RTL4: variants seen among roughly 807,000 people sequenced by gnomAD.
RTL4 encodes retrotransposon Gag like 4, also known as retrotransposon Gag-like protein 4.
RTL4 carries 4 observed loss-of-function variants against 5.3 expected under a neutral mutation model. The ratio of observed to expected loss-of-function variants is 0.75; its 90% CI spans 0.37 to 1.72. The LOEUF is 1.72. Among genes scored for constraint, RTL4 ranks in the 40% most tolerant of loss-of-function variants. RTL4 has a pLI of 0.04. For synonymous variants in RTL4, 98 were observed against 87.3 expected (o/e 1.12, Z -0.68); for missense variants, 260 against 227.1 (o/e 1.14, Z -0.93).
chrX:112,242,428 A>T, the RTL4 span, among the ~76,000 whole-genome samples: 1 of 111,024 alleles, frequency 9.0e-6, no homozygotes, highest in Admixed American at 9.6e-5. Context: ...TGTACTTTGG[A>T]TTCCTAGGTA....
the RTL4 span, among the ~76,000 whole-genome samples, chrX:112,114,613 C>G: frequency 9.0e-6 from 1 of 111,386 alleles, no homozygotes; most frequent in African/African-American, 3.3e-5. Context: ...ATTCCCCTCC[C>G]CCTACAGCTT....
chrX:112,205,216 A>G, the RTL4 span, among the ~76,000 whole-genome samples: 42 of 111,301 alleles, frequency 3.8e-4, no homozygotes, highest in South Asian at 5.4e-3. Flanking sequence ...GATAGATGTA[A>G]AAACCCCAAA....
At chrX:112,125,045 T>C in the RTL4 span, among the ~76,000 whole-genome samples, 3 of 107,642 alleles carry the variant, frequency 2.8e-5, no homozygotes, top group Non-Finnish European at 5.8e-5. Context: ...GGACTACAGG[T>C]GCATGCCACC....
At chrX:112,301,782 A>G in the RTL4 span, among the ~76,000 whole-genome samples, 4 of 108,778 alleles carry the variant, frequency 3.7e-5, no homozygotes, top group Non-Finnish European at 7.6e-5. Context: ...GGGCAACATA[A>G]TGAGCCCTGT....
chrX:112,093,445 A>G, the RTL4 span, among the ~76,000 whole-genome samples: 1 of 111,394 alleles, frequency 9.0e-6, no homozygotes, highest in African/African-American at 3.3e-5. Flanking sequence ...TGACCAGCCA[A>G]CATTCATTGT....
At chrX:112,245,470 C>G in the RTL4 span, among the ~76,000 whole-genome samples, 1 of 111,744 alleles carries the variant, frequency 8.9e-6, no homozygotes, top group African/African-American at 3.3e-5. Flanking sequence ...GATACCCTTT[C>G]TTCCATTTGA....
At chrX:112,204,514 T>C in the RTL4 span, among the ~76,000 whole-genome samples, 6,305 of 111,834 alleles carry the variant, frequency 0.056, 466 homozygotes, top group African/African-American at 0.19. Flanking sequence ...TGGTCATTTC[T>C]AACAACATAG....
chrX:112,085,420 A>G, the RTL4 span, among the ~76,000 whole-genome samples: 1 of 112,521 alleles, frequency 8.9e-6, no homozygotes, highest in Non-Finnish European at 1.9e-5. Context: ...GGTAAATGGT[A>G]TATGTAGACC....
chrX:112,197,437 C>T, the RTL4 span, among the ~76,000 whole-genome samples: 7 of 89,057 alleles, frequency 7.9e-5, no homozygotes, highest in African/African-American at 2.9e-4. Context: ...CACCTCATTA[C>T]AACCTTGGGA....
chrX:112,321,546 AAAAAGAAAGAAAAAG>A, the RTL4 span, among the ~76,000 whole-genome samples: 1 of 108,100 alleles, frequency 9.3e-6, no homozygotes, highest in Non-Finnish European at 1.9e-5. Context: ...AAAAAAAAAA[AAAAAGAAAGAAAAAG>A]AAAAGAAAGA....
the RTL4 span, among the ~76,000 whole-genome samples, chrX:112,165,803 A>C: frequency 8.9e-6 from 1 of 111,792 alleles, no homozygotes; most frequent in Admixed American, 9.5e-5. Context: ...GCCCCAAGAT[A>C]GGTGGGTCCT....
the RTL4 span, among the ~76,000 whole-genome samples, chrX:112,114,736 G>A: frequency 9.0e-6 from 1 of 111,273 alleles, no homozygotes; most frequent in Non-Finnish European, 1.9e-5. Context: ...AGGAAGGGGA[G>A]CTATCGGGAG....
chrX:112,144,082 T>C, the RTL4 span, among the ~76,000 whole-genome samples: 1 of 112,021 alleles, frequency 8.9e-6, no homozygotes, highest in Non-Finnish European at 1.9e-5. Context: ...TCTTAAATAT[T>C]TCCAGGTATA....
the RTL4 span, among the ~76,000 whole-genome samples, chrX:112,226,966 T>C: frequency 3.8e-5 from 2 of 52,436 alleles, no homozygotes; most frequent in African/African-American, 2.7e-4. Flanking sequence ...TAAAATAAAA[T>C]AAAATAATAA....
the RTL4 span, among the ~76,000 whole-genome samples, chrX:112,442,711 C>T: frequency 8.9e-6 from 1 of 111,770 alleles, no homozygotes; most frequent in Non-Finnish European, 1.9e-5. Flanking sequence ...ATCCTGAATA[C>T]AGAGGTCATC....
chrX:112,331,081 C>G, the RTL4 span, among the ~76,000 whole-genome samples: 1 of 98,337 alleles, frequency 1.0e-5, no homozygotes, highest in Non-Finnish European at 2.1e-5. Context: ...CATTACCATT[C>G]AGGACATAGG....
chrX:112,301,958 T>C, the RTL4 span, among the ~76,000 whole-genome samples: 1 of 102,564 alleles, frequency 9.8e-6, no homozygotes, highest in African/African-American at 3.6e-5. Context: ...AGCAAGACCC[T>C]GTCAAAGAAA....
chrX:112,397,479 C>T, the RTL4 span, among the ~76,000 whole-genome samples: 1 of 111,262 alleles, frequency 9.0e-6, no homozygotes, highest in Non-Finnish European at 1.9e-5. Flanking sequence ...TCTTCTTGAT[C>T]ACATTTTAAA....
At chrX:112,418,882 T>C in the RTL4 span, among the ~76,000 whole-genome samples, 4 of 109,484 alleles carry the variant, frequency 3.7e-5, no homozygotes, top group Non-Finnish European at 7.6e-5. Context: ...CCACTCCAAA[T>C]TGGATTCCCC....
Sources: gnomAD v4.1 joint callset for allele counts (sites outside exome capture counted in the v4.1 genomes callset) on GRCh38, gnomAD v4.1.1 for gene constraint, MANE v1.5 for transcripts, NCBI Gene and HGNC (gene_info 2026-07-23, HGNC 2026-07-21) for gene names.